Variants in KCNMB2 observed in about 807,000 individuals in gnomAD.
KCNMB2 encodes calcium-activated potassium channel subunit beta-2.
In KCNMB2, 9 loss-of-function variants were observed where a neutral mutation model predicts 24.5. That is an observed-to-expected ratio of 0.37 (90% CI 0.22 to 0.64). The LOEUF (loss-of-function observed/expected upper bound fraction) is 0.64, where lower values mean the gene tolerates loss of function less well. Among genes scored for constraint, KCNMB2 ranks in the 30% least tolerant of loss-of-function variants. The probability of loss-of-function intolerance (pLI) is 0.63; values close to 1 mark genes in which losing one functional copy is unlikely to be tolerated. For missense variants in KCNMB2, 226 were observed against 284.3 expected (o/e 0.79, Z 1.47); for synonymous variants, 109 against 104.4 (o/e 1.04, Z -0.27).
intron 1 of KCNMB2, among the ~76,000 whole-genome samples, chr3:178,603,096 T>A (rs560236839): frequency 5.3e-5 from 8 of 152,024 alleles, no homozygotes; most frequent in Non-Finnish European, 1.0e-4. Context: ...TGGCAGGTGA[T>A]GAGGTCTTTG....
intron 1 of KCNMB2, among the ~76,000 whole-genome samples, chr3:178,630,522 T>C (rs967118490): frequency 5.3e-5 from 8 of 152,268 alleles, no homozygotes; most frequent in Non-Finnish European, 1.0e-4. Flanking sequence ...ACCTGGTTCC[T>C]AACTAGAGTT....
At chr3:178,598,276 A>G (rs1717949713) in intron 1 of KCNMB2, among the ~76,000 whole-genome samples, 1 of 152,150 alleles carries the variant, frequency 6.6e-6, no homozygotes, top group African/African-American at 2.4e-5. Context: ...CAGTCAAGAG[A>G]TAGCGACATA....
chr3:178,808,260 T>TA (rs1330938287), intron 2 of KCNMB2, among the ~76,000 whole-genome samples: 9 of 152,198 alleles, frequency 5.9e-5, no homozygotes, highest in Non-Finnish European at 1.3e-4. Context: ...TTTAAATATT[T>TA]AGTCTTCCTC....
chr3:178,785,553 A>C (rs1183246280), intron 1 of KCNMB2, among the ~76,000 whole-genome samples: 1 of 152,026 alleles, frequency 6.6e-6, no homozygotes, highest in East Asian at 1.9e-4. Flanking sequence ...AAACCTATGA[A>C]ATGAATCTAT....
intron 1 of KCNMB2, among the ~76,000 whole-genome samples, chr3:178,748,760 A>AC (rs1394376605): frequency 1.3e-5 from 2 of 152,172 alleles, no homozygotes; most frequent in African/African-American, 4.8e-5. Flanking sequence ...GAAAATTGGT[A>AC]CCCCCAGATA....
chr3:178,754,514 T>C (rs1280764391), intron 1 of KCNMB2, among the ~76,000 whole-genome samples: 1 of 152,122 alleles, frequency 6.6e-6, no homozygotes, highest in Non-Finnish European at 1.5e-5. Context: ...GCTATTAAAA[T>C]GCCAATAGAA....
chr3:178,774,953 A>G (rs1712520574), intron 1 of KCNMB2, among the ~76,000 whole-genome samples: 1 of 152,214 alleles, frequency 6.6e-6, no homozygotes, highest in Non-Finnish European at 1.5e-5. Flanking sequence ...AGGTTGCAAA[A>G]GAGTTCAACT....
At chr3:178,701,571 G>GA (rs1190009803) in intron 1 of KCNMB2, among the ~76,000 whole-genome samples, 6 of 151,502 alleles carry the variant, frequency 4.0e-5, no homozygotes, top group Non-Finnish European at 7.4e-5. Flanking sequence ...AAATTTACAA[G>GA]AAAAAAACAA....
chr3:178,544,911 AT>A (rs1336859820), intron 1 of KCNMB2, among the ~76,000 whole-genome samples: 1 of 152,222 alleles, frequency 6.6e-6, no homozygotes, highest in Non-Finnish European at 1.5e-5. Context: ...AGTATATACA[AT>A]AGGTTTTTTA....
chr3:178,700,969 C>T (rs1434826268), intron 1 of KCNMB2, among the ~76,000 whole-genome samples: 1 of 152,118 alleles, frequency 6.6e-6, no homozygotes, highest in Non-Finnish European at 1.5e-5. Context: ...AATTAGATCC[C>T]GTTTGTCAAT....
chr3:178,644,422 A>G (rs1719840113), intron 1 of KCNMB2, among the ~76,000 whole-genome samples: 1 of 152,220 alleles, frequency 6.6e-6, no homozygotes, highest in African/African-American at 2.4e-5. Context: ...CCATGTGATA[A>G]GTATCATAGC....
intron 1 of KCNMB2, among the ~76,000 whole-genome samples, chr3:178,595,381 A>G (rs1717831145): frequency 6.6e-6 from 1 of 152,050 alleles, no homozygotes; most frequent in African/African-American, 2.4e-5. Flanking sequence ...CTCCTCTTCA[A>G]CTTGCCACCT....
At chr3:178,741,428 C>T (rs563497542) in intron 1 of KCNMB2, among the ~76,000 whole-genome samples, 21 of 152,262 alleles carry the variant, frequency 1.4e-4, no homozygotes, top group African/African-American at 4.6e-4. Flanking sequence ...CTTTTTTCCA[C>T]TGGCTTTATT....
intron 1 of KCNMB2, among the ~76,000 whole-genome samples, chr3:178,634,298 C>T (rs1355782454): frequency 2.0e-5 from 3 of 152,162 alleles, no homozygotes; most frequent in East Asian, 1.9e-4. Context: ...TGTATTAGTC[C>T]GTTCTCACAC....
intron 1 of KCNMB2, among the ~76,000 whole-genome samples, chr3:178,778,230 C>T (rs1481969187): frequency 6.6e-6 from 1 of 152,054 alleles, no homozygotes; most frequent in Non-Finnish European, 1.5e-5. Flanking sequence ...ATTGAGTCAT[C>T]TTTTGACCTT....
intron 1 of KCNMB2, among the ~76,000 whole-genome samples, chr3:178,683,238 G>A (rs970691033): frequency 4.0e-5 from 6 of 151,890 alleles, no homozygotes; most frequent in Admixed American, 2.6e-4. Context: ...ACCAAATACC[G>A]CATGTTCTCA....
chr3:178,707,753 T>C (rs1258816661), intron 1 of KCNMB2, among the ~76,000 whole-genome samples: 2 of 152,162 alleles, frequency 1.3e-5, no homozygotes, highest in Non-Finnish European at 2.9e-5. Context: ...TCTCACACCC[T>C]GAGTTCCTAC....
rs1577007445 is a variant in KCNMB2, at chr3:178,555,464, C to T, written c.-68+18753C>T. On this transcript the variant is annotated intron_variant, in intron 1 of 4. Coordinates refer to ENST00000452583, the MANE Select transcript of KCNMB2 (RefSeq NM_181361.3). ...TTTCTACATCTATAAAATGGGTGCT[C>T]ATAATATTTATCTTGCAGGTCTTTT... Among the ~76,000 whole-genome samples, 3 of 152,152 alleles carry T rather than the reference C, an allele frequency of 2.0e-5. No individual in the cohort carries two copies. In the South Asian group the frequency reaches 6.2e-4, roughly 32 times the overall value.
chr3:178,537,295 C>CA (rs1715442944), intron 1 of KCNMB2: 1 of 152,164 alleles, frequency 6.6e-6, no homozygotes, highest in Non-Finnish European at 1.5e-5. Flanking sequence ...GGCTGACCCA[C>CA]ACTGTTTGGG....
Sources: gnomAD v4.1 joint callset for allele counts (sites outside exome capture counted in the v4.1 genomes callset) on GRCh38, gnomAD v4.1.1 for gene constraint, MANE v1.5 for transcripts, NCBI Gene and HGNC (gene_info 2026-07-23, HGNC 2026-07-21) for gene names.